The following RTN1 variants were observed in gnomAD, a reference collection of about 807,000 sequenced individuals.
RTN1 encodes the protein reticulon 1.
A neutral mutation model predicts 65.5 loss-of-function variants in RTN1; 25 were observed. That is an observed-to-expected ratio of 0.38 (90% CI 0.28 to 0.53). The LOEUF (loss-of-function observed/expected upper bound fraction) is 0.53, where lower values mean the gene tolerates loss of function less well. Among genes scored for constraint, RTN1 ranks in the 20% least tolerant of loss-of-function variants. The pLI is 0.79. For synonymous variants in RTN1, 471 were observed against 447.6 expected, an observed-to-expected ratio of 1.05 and a Z score of -0.66; for missense variants, 983 against 1,025.4, an observed-to-expected ratio of 0.96 and a Z score of 0.57.
At chr14:59,848,859 G>A (rs892330070) in intron 1 of RTN1, among the ~76,000 whole-genome samples, 4 of 152,118 alleles carry the variant, frequency 2.6e-5, no homozygotes, top group Non-Finnish European at 5.9e-5. Context: ...TAATTCACTT[G>A]ATACAGTACG....
At chr14:59,640,583 G>A (rs191182861) in intron 3 of RTN1, among the ~76,000 whole-genome samples, 23 of 152,212 alleles carry the variant, frequency 1.5e-4, no homozygotes, top group Admixed American at 1.5e-3. Flanking sequence ...CCAAAGTGCT[G>A]GGATTACAGG....
chr14:59,860,697 C>G (rs961178210), intron 1 of RTN1, among the ~76,000 whole-genome samples: 3 of 152,150 alleles, frequency 2.0e-5, no homozygotes, highest in Non-Finnish European at 4.4e-5. Context: ...GGCAGAGCTT[C>G]CCAAGACCAT....
At position 59,603,095 on chromosome 14, in the gene RTN1, A is replaced by G; in HGVS notation, c.2258T>C (p.Val753Ala). 1 of 1,613,596 alleles carries G rather than the reference A, an allele frequency of 6.2e-7. No individual in the cohort carries two copies. Among genetic ancestry groups the G allele is most frequent in the East Asian group, 2.2e-5 (1 of 44,792 alleles). ...CACAACAGCATTTATGTGAGTCCTCACAAGTCCCAGATATTGGTCAATCTG... is the reference window on the plus strand; with the variant it reads ...CACAACAGCATTTATGTGAGTCCTCGCAAGTCCCAGATATTGGTCAATCTG... ...QAQIDQYLGL[V>A]RTHINAVVAK... is the part of the protein sequence containing the mutation. Residue 753 changes from valine to alanine, a missense_variant, in exon 8 of 9, where the codon GTG (valine) becomes GCG (alanine). Val to Ala is a moderately conservative substitution (Grantham distance 64). Around this residue, in one of 2 missense-constraint regions of RTN1, gnomAD observed 165 missense variants for 223.6 expected, o/e 0.74. Coordinates refer to ENST00000267484, the MANE Select transcript of RTN1 (RefSeq NM_021136.3).
chr14:59,816,314 C>A lies in RTN1; in HGVS notation c.241+54076G>T, dbSNP rs1776529614. Reference sequence around the variant, plus strand: ...AGTAAAGAACAAAATAACAATTTCCCTGGAAGCCTCTGTCCACTCTCGCCC... The same window carrying A: ...AGTAAAGAACAAAATAACAATTTCCATGGAAGCCTCTGTCCACTCTCGCCC... On this transcript the variant is annotated intron_variant, in intron 1 of 8. Transcript: ENST00000267484. The surrounding 1 kb of genome is among the most constrained non-coding windows in gnomAD (Gnocchi z 4.3). Among the ~76,000 whole-genome samples the A allele has an allele frequency of 6.6e-6, 1 of 152,112 alleles. No individual in the cohort carries two copies. The highest frequency in any genetic ancestry group is 1.5e-5 in the Non-Finnish European group (1 of 68,030).
intron 1 of RTN1, among the ~76,000 whole-genome samples, chr14:59,827,119 C>T (rs1398784016): frequency 6.6e-6 from 1 of 152,128 alleles, no homozygotes; most frequent in African/African-American, 2.4e-5. Flanking sequence ...CGCTCTGTCA[C>T]CCAGGCTGGA....
At chr14:59,772,955 C>G (rs1253638203) in intron 1 of RTN1, among the ~76,000 whole-genome samples, 1 of 152,144 alleles carries the variant, frequency 6.6e-6, no homozygotes, top group Non-Finnish European at 1.5e-5. Flanking sequence ...TAGCATCCTA[C>G]TGTCCATCAT....
intron 3 of RTN1, among the ~76,000 whole-genome samples, chr14:59,633,802 T>C (rs563584250): frequency 4.3e-4 from 65 of 152,282 alleles, no homozygotes; most frequent in African/African-American, 1.5e-3. Context: ...AAAAGCAAAA[T>C]AGTCAAGTTT....
At chr14:59,749,457 T>C (rs1425891224) in intron 1 of RTN1, among the ~76,000 whole-genome samples, 1 of 103,886 alleles carries the variant, frequency 9.6e-6, no homozygotes, top group Non-Finnish European at 1.7e-5. Flanking sequence ...TATATATCTA[T>C]ATATATCTAA....
chr14:59,759,229 T>G (rs149895523), intron 1 of RTN1, among the ~76,000 whole-genome samples: 3 of 152,320 alleles, frequency 2.0e-5, no homozygotes, highest in Non-Finnish European at 2.9e-5. Flanking sequence ...GAAGTGTCCA[T>G]CTTCCAACCT....
chr14:59,642,199 G>A (rs1337445478), intron 3 of RTN1, among the ~76,000 whole-genome samples: 1 of 152,078 alleles, frequency 6.6e-6, no homozygotes. Context: ...TCAGTTGAAA[G>A]GTCAGTAATT....
intron 5 of RTN1, 142 bp downstream of exon 5, chr14:59,605,226 T>C (rs1881704896): frequency 2.6e-6 from 2 of 779,702 alleles, no homozygotes; most frequent in Non-Finnish European, 4.0e-6. Flanking sequence ...TGGTTCATGG[T>C]GCCATACAAC....
chr14:59,610,613 A>G (rs1332950882), intron 3 of RTN1, among the ~76,000 whole-genome samples: 2 of 152,228 alleles, frequency 1.3e-5, no homozygotes, highest in African/African-American at 4.8e-5. Flanking sequence ...GTCCTTGTTC[A>G]TTCCTGGGCA....
chr14:59,615,382 G>A (rs1389177043), intron 3 of RTN1, among the ~76,000 whole-genome samples: 3 of 152,158 alleles, frequency 2.0e-5, no homozygotes, highest in Admixed American at 1.3e-4. Context: ...CTGGGAGGTG[G>A]AGGTTGCGAT....
intron 3 of RTN1, among the ~76,000 whole-genome samples, chr14:59,707,842 A>G (rs1016598275): frequency 6.6e-6 from 1 of 152,162 alleles, no homozygotes; most frequent in Non-Finnish European, 1.5e-5. Context: ...CTCATCCAGT[A>G]TTCAGTAGGA....
intron 3 of RTN1, among the ~76,000 whole-genome samples, chr14:59,620,967 G>T (rs1882239077): frequency 6.6e-6 from 1 of 152,244 alleles, no homozygotes; most frequent in African/African-American, 2.4e-5. Flanking sequence ...GCCATGTGTG[G>T]TCAGAGTGCC....
At chr14:59,660,343 T>C (rs963402374) in intron 3 of RTN1, among the ~76,000 whole-genome samples, 2 of 151,946 alleles carry the variant, frequency 1.3e-5, no homozygotes, top group Non-Finnish European at 2.9e-5. Flanking sequence ...ACACAGAAAA[T>C]TAACAAGGAT....
At chr14:59,710,761 C>T (rs1446694027) in intron 3 of RTN1, among the ~76,000 whole-genome samples, 1 of 152,190 alleles carries the variant, frequency 6.6e-6, no homozygotes, top group Non-Finnish European at 1.5e-5. Flanking sequence ...TGAGTGGCCT[C>T]ACATTCTCTC....
At chr14:59,719,024 C>T (rs1420557712) in intron 3 of RTN1, among the ~76,000 whole-genome samples, 1 of 152,194 alleles carries the variant, frequency 6.6e-6, no homozygotes, top group East Asian at 1.9e-4. Context: ...TGTCTTCCTG[C>T]TTCCATGCTT....
chr14:59,809,091 T>C (rs1208857210), intron 1 of RTN1, among the ~76,000 whole-genome samples: 1 of 152,202 alleles, frequency 6.6e-6, no homozygotes, highest in African/African-American at 2.4e-5. Context: ...ACTTATCTTT[T>C]GCTTTGATAA....
Sources: gnomAD v4.1 joint callset for allele counts (sites outside exome capture counted in the v4.1 genomes callset) on GRCh38, gnomAD v4.1.1 for gene constraint, gnomAD v4.1.1 regional missense constraint, Gnocchi (gnomAD v3.1) non-coding constraint, MANE v1.5 for transcripts, NCBI Gene and HGNC (gene_info 2026-07-23, HGNC 2026-07-21) for gene names.